RAB3C: variants seen among roughly 807,000 people sequenced by gnomAD.
The protein encoded by RAB3C is ras-related protein Rab-3C.
RAB3C carries 17 observed loss-of-function variants against 26.4 expected under a neutral mutation model. The observed-to-expected ratio is 0.64, with a 90% confidence interval of 0.44 to 0.97. RAB3C has a LOEUF of 0.97. RAB3C is among the 50% of genes least tolerant of loss of function. RAB3C has a pLI of 0.00. For missense variants in RAB3C, 242 were observed against 281.9 expected (o/e 0.86, Z 1.01); for synonymous variants, 91 against 95.9 (o/e 0.95, Z 0.30).
intron 4 of RAB3C, among the ~76,000 whole-genome samples, chr5:58,840,562 C>CG (rs1219568685): frequency 6.6e-6 from 1 of 152,150 alleles, no homozygotes; most frequent in Non-Finnish European, 1.5e-5. Flanking sequence ...TGTCCCTACA[C>CG]TGATTTCTAT....
chr5:58,764,395 T>A (rs1741856032), intron 3 of RAB3C, among the ~76,000 whole-genome samples: 1 of 152,192 alleles, frequency 6.6e-6, no homozygotes, highest in Non-Finnish European at 1.5e-5. Context: ...GGAACCCACA[T>A]GATCACTTGT....
intron 3 of RAB3C, among the ~76,000 whole-genome samples, chr5:58,758,674 T>A (rs966296415): frequency 2.0e-5 from 3 of 152,008 alleles, no homozygotes; most frequent in Non-Finnish European, 4.4e-5. Context: ...GAATTGCAGG[T>A]TTTGAAAGGT....
At chr5:58,756,373 TAACTAC>T (rs1257749160) in intron 3 of RAB3C, among the ~76,000 whole-genome samples, 6 of 128,872 alleles carry the variant, frequency 4.7e-5, no homozygotes, top group Admixed American at 8.5e-5. Flanking sequence ...CATATATATA[TAACTAC>T]TATATAACAT....
At chr5:58,838,192 AAC>A (rs1743791448) in intron 4 of RAB3C, among the ~76,000 whole-genome samples, 1 of 152,102 alleles carries the variant, frequency 6.6e-6, no homozygotes, top group Non-Finnish European at 1.5e-5. Context: ...CATCCTGGTT[AAC>A]ACAGTGAAAC....
At chr5:58,669,601 G>A (rs1748071343) in intron 2 of RAB3C, among the ~76,000 whole-genome samples, 1 of 152,192 alleles carries the variant, frequency 6.6e-6, no homozygotes, top group Non-Finnish European at 1.5e-5. Flanking sequence ...TAGTGCAGCT[G>A]AGATCACATG....
At chr5:58,746,487 T>A (rs1483972515) in intron 3 of RAB3C, among the ~76,000 whole-genome samples, 1 of 152,196 alleles carries the variant, frequency 6.6e-6, no homozygotes, top group East Asian at 1.9e-4. Context: ...GCCATCCTTA[T>A]AATATTCTAG....
At chr5:58,712,639 C>T (rs558304692) in intron 2 of RAB3C, among the ~76,000 whole-genome samples, 5 of 152,288 alleles carry the variant, frequency 3.3e-5, no homozygotes, top group African/African-American at 1.2e-4. Flanking sequence ...ATTCTCCTAC[C>T]TCAGCCTCCC....
At chr5:58,748,155 GCCATT>G (rs1264142382) in intron 3 of RAB3C, among the ~76,000 whole-genome samples, 1 of 151,216 alleles carries the variant, frequency 6.6e-6, no homozygotes, top group African/African-American at 2.4e-5. Flanking sequence ...AGGCACATAA[GCCATT>G]CCACATTACC....
chr5:58,625,587 T>C (rs904671734), intron 2 of RAB3C, among the ~76,000 whole-genome samples: 1 of 152,054 alleles, frequency 6.6e-6, no homozygotes, highest in African/African-American at 2.4e-5. Flanking sequence ...GGCCGGGCAC[T>C]GTGGCTTATG....
chr5:58,732,661 T>C (rs1470540763), intron 3 of RAB3C, among the ~76,000 whole-genome samples: 1 of 152,172 alleles, frequency 6.6e-6, no homozygotes, highest in South Asian at 2.1e-4. Context: ...GATTACATGC[T>C]TCCTAGACTA....
At chr5:58,586,828 T>C (rs1746017856) in intron 1 of RAB3C, among the ~76,000 whole-genome samples, 2 of 152,278 alleles carry the variant, frequency 1.3e-5, no homozygotes, top group South Asian at 4.1e-4. Context: ...TAGTTATATA[T>C]TAAAGTTAGC....
intron 3 of RAB3C, among the ~76,000 whole-genome samples, chr5:58,803,679 A>G (rs547213457): frequency 7.9e-5 from 12 of 152,330 alleles, no homozygotes; most frequent in African/African-American, 2.9e-4. Context: ...AATCCTTGAC[A>G]GAAGATGGCT....
chr5:58,663,728 A>G (rs1747948518), intron 2 of RAB3C, among the ~76,000 whole-genome samples: 2 of 152,162 alleles, frequency 1.3e-5, no homozygotes, highest in Non-Finnish European at 2.9e-5. Flanking sequence ...CACCACACAC[A>G]TATTAGAATG....
At chr5:58,808,814 T>C (rs1478748128) in intron 3 of RAB3C, among the ~76,000 whole-genome samples, 2 of 152,250 alleles carry the variant, frequency 1.3e-5, no homozygotes, top group African/African-American at 4.8e-5. Context: ...ATAACATGTC[T>C]AGCCATAACC....
At chr5:58,786,772 C>CAA (rs879385785) in intron 3 of RAB3C, among the ~76,000 whole-genome samples, 2 of 146,192 alleles carry the variant, frequency 1.4e-5, no homozygotes, top group African/African-American at 2.5e-5. Context: ...TTCAGTTTGT[C>CAA]AAAAAAAAAA....
intron 3 of RAB3C, among the ~76,000 whole-genome samples, chr5:58,754,395 C>T (rs1741602469): frequency 6.6e-6 from 1 of 152,142 alleles, no homozygotes; most frequent in Non-Finnish European, 1.5e-5. Context: ...TTCAGCCTTT[C>T]CTAACCCAGG....
At chr5:58,731,820 A>G (rs888842789) in intron 3 of RAB3C, among the ~76,000 whole-genome samples, 2 of 152,152 alleles carry the variant, frequency 1.3e-5, no homozygotes, top group African/African-American at 2.4e-5. Context: ...CCAGTTACAC[A>G]TATATGGGTG....
At chr5:58,582,376 A>C (rs1745917234), upstream of RAB3C, 1 of 985,154 alleles carries the variant, frequency 1.0e-6, no homozygotes, top group African/African-American at 1.7e-5. Context: ...GCACTTGAGA[A>C]TTTCTGAACC....
At chr5:58,759,788 G>C (rs1741753456) in intron 3 of RAB3C, among the ~76,000 whole-genome samples, 1 of 152,198 alleles carries the variant, frequency 6.6e-6, no homozygotes, top group Non-Finnish European at 1.5e-5. Context: ...AAGCCAGGTT[G>C]ACTTGGCTTT....
Sources: allele counts gnomAD v4.1 joint callset (sites outside exome capture counted in the v4.1 genomes callset), GRCh38; gene constraint gnomAD v4.1.1; transcripts MANE v1.5; gene names NCBI Gene and HGNC (gene_info 2026-07-23, HGNC 2026-07-21).